The following PRF1 variants were observed in gnomAD, a reference collection of about 807,000 sequenced individuals.
The protein encoded by PRF1 is perforin 1.
In PRF1, 11 loss-of-function variants were observed where a neutral mutation model predicts 11.7. That is an observed-to-expected ratio of 0.94 (90% CI 0.59 to 1.56). The LOEUF is 1.56. Among genes scored for constraint, PRF1 ranks in the 40% most tolerant of loss-of-function variants. The pLI is 0.00. For missense variants in PRF1, 729 were observed against 751.0 expected (o/e 0.97, Z 0.34); for synonymous variants, 314 against 327.8 (o/e 0.96, Z 0.45).
At chr10:70,599,889 G>A (rs930614735) in intron 2 of PRF1, among the ~76,000 whole-genome samples, 8 of 152,354 alleles carry the variant, frequency 5.3e-5, no homozygotes, top group South Asian at 2.1e-4. Context: ...GACTGCTGTC[G>A]CTCAGCAGTG....
chr10:70,600,682 G>T lies in PRF1; in HGVS notation c.221C>A (p.Thr74Asn), dbSNP rs537165894. 3.1e-6 allele frequency: 5 copies of T among 1,613,926 alleles called. No individual in the cohort carries two copies. The East Asian group carries it at 6.7e-5, about 22-fold the overall frequency. Residue 74 changes from threonine (T) to asparagine (N), a missense_variant, in exon 2 of 3, where the codon ACC becomes AAC. Thr to Asn is a moderately conservative substitution (Grantham distance 65). Transcript: ENST00000441259. This position sits in a 1 kb window ranked among gnomAD's most constrained non-coding sequence, Gnocchi z 4.9. ...CTCCTGTAGGGCATTTTCACAGAGG[G>T]TGCAGGTGCCGTCGGGCCGCAGGAA... is the stretch of plus-strand genomic sequence containing the variant. ...QRFLRPDGTC[T>N]LCENALQEGT...
rs1278494999 is a variant in PRF1 at position 70,598,275 on chromosome 10, G to A, written c.1446C>T (p.Val482=). 6.2e-7 allele frequency: 1 copy of A among 1,614,232 alleles called. No homozygotes were observed. The highest frequency in any genetic ancestry group is 1.7e-5 in the Admixed American group (1 of 60,034). The change falls in exon 3 of 3, where the codon GTC becomes GTT. Residue 482 remains valine (V), a synonymous_variant. Coordinates refer to ENST00000441259, the MANE Select transcript of PRF1 (RefSeq NM_001083116.3). ...LATGGPLRLQ[V]WDQDSGRDDD... is the part of the protein sequence containing the mutation. ...CGTCCCTGCCAGAGTCCTGATCCCA[G>A]ACCTGCAACCTCAGGGGCCCCCCTG... is the stretch of plus-strand genomic sequence containing the variant.
chr10:70,602,312 C>T (rs1311663826), intron 1 of PRF1, among the ~76,000 whole-genome samples: 1 of 152,180 alleles, frequency 6.6e-6, no homozygotes, highest in Non-Finnish European at 1.5e-5. Context: ...GGGCTCATCC[C>T]AGCTAGGAGG....
At position 70,598,477 on chromosome 10, in the gene PRF1, G is replaced by C. The variant is rs759074628; in HGVS notation, c.1244C>G (p.Ala415Gly). The change falls in exon 3 of 3, where the codon GCC becomes GGC. Residue 415 changes from alanine (A) to glycine (G), a missense_variant. Physicochemically the swap from Ala to Gly is moderately conservative, Grantham distance 60. Coordinates refer to ENST00000441259, the MANE Select transcript of PRF1 (RefSeq NM_001083116.3). ...QDCCPRQRGL[A>G]QLEVTFIQAW... ...TTGGATGAAGGTCACCTCCAGCTGG[G>C]CCAGGCCCCTCTGCCGAGGGCAGCA... is the stretch of plus-strand genomic sequence containing the variant. 3.1e-6 allele frequency: 5 copies of C among 1,613,476 alleles called. No homozygotes were observed. In the East Asian group the frequency reaches 8.9e-5, roughly 29 times the overall value.
At position 70,597,371 on chromosome 10, in the gene PRF1, G is replaced by T. The variant is rs1848138565; in HGVS notation, c.*682C>A. 1 of 278,362 alleles carries T rather than the reference G, an allele frequency of 3.6e-6. No homozygotes were observed. The highest frequency in any genetic ancestry group is 6.7e-6 in the Non-Finnish European group (1 of 149,310). The allele number at this position is 278,362 out of a possible 1,614,324, so 17.2% of individuals were successfully genotyped here. A position where few individuals can be genotyped will look rare whatever the true frequency, so the allele number is the denominator to read the frequency against. On this transcript the variant is annotated 3_prime_UTR_variant, in exon 3 of 3. Transcript: ENST00000441259. ...GATCACCATAACATCATATTTATTG[G>T]CCCTTTATCAAGCTATGTACATGGT...
rs762044141 is a variant in PRF1 at position 70,598,761 on chromosome 10, G to A, written c.960C>T (p.Ala320=). 23 of 1,614,108 alleles carry A rather than the reference G, an allele frequency of 1.4e-5. No homozygotes were observed. The highest frequency in any genetic ancestry group is 1.7e-5 in the Non-Finnish European group (20 of 1,180,056). ...SINDLLFGIQ[A]GPEQYSAWVN... is the part of the protein sequence containing the mutation. ...CCCAGGCTGAGTACTGCTCGGGCCC[G>A]GCCTGGATCCCGAACAGCAGGTCGT... Residue 320 remains alanine, a synonymous_variant, in exon 3 of 3, where the codon GCC becomes GCT. Coordinates refer to ENST00000441259, the MANE Select transcript of PRF1 (RefSeq NM_001083116.3).
chr10:70,601,957 G>A (rs1848238200), intron 1 of PRF1, among the ~76,000 whole-genome samples: 1 of 151,972 alleles, frequency 6.6e-6, no homozygotes, highest in Admixed American at 6.6e-5. Flanking sequence ...GCCAAGCTCT[G>A]TGGCCTTCGG....
rs1355026334 is a variant in PRF1 at position 70,597,965 on chromosome 10, G to A, written c.*88C>T. 1 of 1,549,500 alleles carries A rather than the reference G, an allele frequency of 6.5e-7. No individual in the cohort carries two copies. Among genetic ancestry groups the A allele is most frequent in the East Asian group, 2.3e-5 (1 of 43,862 alleles). On this transcript the variant is annotated 3_prime_UTR_variant, in exon 3 of 3. Coordinates refer to ENST00000441259, the MANE Select transcript of PRF1 (RefSeq NM_001083116.3). ...GCGGGCCTCGGGTTGGACAAGCTTG[G>A]TCTAATGGGAATACGAAGACAGCCC...
Position 70,600,708 on chromosome 10 carries a change from C to A in PRF1, c.195G>T (p.Arg65Ser). 2 of 1,613,898 alleles carry A rather than the reference C, an allele frequency of 1.2e-6. No individual in the cohort carries two copies. Among genetic ancestry groups the A allele is most frequent in the South Asian group, 1.1e-5 (1 of 91,072 alleles). ...TGCAGGTGCCGTCGGGCCGCAGGAA[C>A]CTTTGTGTGTCCACTGGGAAGGAGC... ...RSGSFPVDTQ[R>S]FLRPDGTCTL... The change falls in exon 2 of 3, where the codon AGG (arginine) becomes AGT (serine). Residue 65 changes from arginine to serine, a missense_variant. Transcript: ENST00000441259. The surrounding 1 kb of genome is among the most constrained non-coding windows in gnomAD (Gnocchi z 4.9).
chr10:70,597,397 G>T lies in PRF1; in HGVS notation c.*656C>A, dbSNP rs1848139064. The T allele has an allele frequency of 3.1e-6, 1 of 317,814 alleles. No individual in the cohort carries two copies. Among genetic ancestry groups the T allele is most frequent in the Non-Finnish European group, 5.7e-6 (1 of 174,600 alleles). 19.7% of individuals were successfully genotyped at this position (317,814 alleles called of 1,614,324 possible). A position where few individuals can be genotyped will look rare whatever the true frequency, so the allele number is the denominator to read the frequency against. On this transcript the variant is annotated 3_prime_UTR_variant, in exon 3 of 3. Coordinates refer to ENST00000441259, the MANE Select transcript of PRF1 (RefSeq NM_001083116.3). ...CCCTTTATCAAGCTATGTACATGGTGAGACAGGTCAGGACAGGCCTCCATT... is the reference window on the plus strand; with the variant it reads ...CCCTTTATCAAGCTATGTACATGGTTAGACAGGTCAGGACAGGCCTCCATT...
Position 70,598,507 on chromosome 10 carries a change from T to A in PRF1, c.1214A>T (p.Gln405Leu). The change falls in exon 3 of 3, where the codon CAG (glutamine) becomes CTG (leucine). Residue 405 changes from glutamine to leucine, a missense_variant. Physicochemically the swap from Gln to Leu is moderately radical, Grantham distance 113. Transcript: ENST00000441259. Reference protein sequence around the residue: ...CVCHGSAVTTQDCCPRQRGLA... With the variant: ...CVCHGSAVTTLDCCPRQRGLA... Reference sequence around the variant, plus strand: ...GCCCCTCTGCCGAGGGCAGCAGTCCTGGGTGGTGACCGCTGAGCCATGGCA... The same window carrying A: ...GCCCCTCTGCCGAGGGCAGCAGTCCAGGGTGGTGACCGCTGAGCCATGGCA... The A allele has an allele frequency of 6.2e-7, 1 of 1,613,410 alleles. No homozygotes were observed. Among genetic ancestry groups the A allele is most frequent in the Admixed American group, 1.7e-5 (1 of 60,022 alleles).
At chr10:70,599,491 T>C (rs965445850) in intron 2 of PRF1, among the ~76,000 whole-genome samples, 13 of 152,356 alleles carry the variant, frequency 8.5e-5, no homozygotes, top group Admixed American at 4.6e-4. Flanking sequence ...GGTTCATGCC[T>C]GTAACCCCAG....
Position 70,597,843 on chromosome 10 carries a change from TA to T in PRF1, c.*209del, listed in dbSNP as rs34914326. ...CTAGCACTAACGATAGCCGATGAGC[TA>T]AAAAAAAAAAAAAAATAGCAAAAAG... is the stretch of plus-strand genomic sequence containing the variant. On this transcript the variant is annotated 3_prime_UTR_variant, in exon 3 of 3. Coordinates refer to ENST00000441259, the MANE Select transcript of PRF1 (RefSeq NM_001083116.3). 215,278 of 574,758 alleles carry T rather than the reference TA, an allele frequency of 0.37. 3,715 individuals are homozygous for T. The highest frequency in any genetic ancestry group is 0.39 in the Middle Eastern group (852 of 2,166). 35.6% of individuals were successfully genotyped at this position (574,758 alleles called of 1,614,324 possible). A position where few individuals can be genotyped will look rare whatever the true frequency, so the allele number is the denominator to read the frequency against.
At position 70,598,906 on chromosome 10, in the gene PRF1, A is replaced by T; in HGVS notation, c.815T>A (p.Ile272Asn). The T allele has an allele frequency of 6.2e-7, 1 of 1,614,216 alleles. No homozygotes were observed. The highest frequency in any genetic ancestry group is 8.5e-7 in the Non-Finnish European group (1 of 1,180,034). Residue 272 changes from isoleucine (I) to asparagine (N), a missense_variant, in exon 3 of 3, where the codon ATC becomes AAC. Coordinates refer to ENST00000441259, the MANE Select transcript of PRF1 (RefSeq NM_001083116.3). The stretch of plus-strand genomic sequence containing the variant: ...CTCACAGGCCTTGGCTTCGGCAGAG[A>T]TGCTGCCGTGGATGCCTATGTTGAC... ...AQVNIGIHGS[I>N]SAEAKACEEK...
Position 70,600,098 on chromosome 10 carries a change from T to C in PRF1, c.539+266A>G, listed in dbSNP as rs141894463. On this transcript the variant is annotated intron_variant, in intron 2 of 2. Transcript: ENST00000441259. This position sits in a 1 kb window ranked among gnomAD's most constrained non-coding sequence, Gnocchi z 4.9. ...GGGTTCAGTACTCACTAGACCTAAA[T>C]GGCACCCTGCTGGGACTCTCAGGCA... Among the ~76,000 whole-genome samples, 1 of 152,190 alleles carries C rather than the reference T, an allele frequency of 6.6e-6. No homozygotes were observed. The highest frequency in any genetic ancestry group is 1.9e-4 in the East Asian group (1 of 5,190).
At position 70,598,896 on chromosome 10, in the gene PRF1, T is replaced by C. The variant is rs1291153727; in HGVS notation, c.825A>G (p.Glu275=). The part of the protein sequence containing the change: ...NIGIHGSISA[E]AKACEEKKKK... ...TCTTCTTCTCCTCACAGGCCTTGGC[T>C]TCGGCAGAGATGCTGCCGTGGATGC... Residue 275 remains glutamate (E), a synonymous_variant, in exon 3 of 3, where the codon GAA becomes GAG. Transcript: ENST00000441259. The C allele has an allele frequency of 6.2e-7, 1 of 1,614,264 alleles. No individual in the cohort carries two copies. Among genetic ancestry groups the C allele is most frequent in the Admixed American group, 1.7e-5 (1 of 60,034 alleles).
intron 1 of PRF1, among the ~76,000 whole-genome samples, chr10:70,601,650 G>A (rs1848231398): frequency 6.6e-6 from 1 of 151,764 alleles, no homozygotes; most frequent in African/African-American, 2.4e-5. Flanking sequence ...CCAACGTGGT[G>A]AAACCCCCTC....
intron 1 of PRF1, among the ~76,000 whole-genome samples, chr10:70,602,375 A>G (rs1021518292): frequency 5.9e-5 from 9 of 152,100 alleles, no homozygotes; most frequent in African/African-American, 2.2e-4. Context: ...CCTGACTCTC[A>G]TGGTATTCTG....
rs202216158 is a variant in PRF1, at chr10:70,598,460, A to G, written c.1261T>C (p.Phe421Leu). 12 of 1,613,660 alleles carry G rather than the reference A, an allele frequency of 7.4e-6. No homozygotes were observed. The highest frequency in any genetic ancestry group is 1.0e-5 in the Non-Finnish European group (12 of 1,180,002). Residue 421 changes from phenylalanine to leucine, a missense_variant, in exon 3 of 3, where the codon TTC (phenylalanine) becomes CTC (leucine). Coordinates refer to ENST00000441259, the MANE Select transcript of PRF1 (RefSeq NM_001083116.3). The stretch of plus-strand genomic sequence containing the variant: ...CCCCACAGGCCCCATGCTTGGATGA[A>G]GGTCACCTCCAGCTGGGCCAGGCCC... ...QRGLAQLEVT[F>L]IQAWGLWGDW...
Sources: gnomAD v4.1 joint callset for allele counts (sites outside exome capture counted in the v4.1 genomes callset) on GRCh38, gnomAD v4.1.1 for gene constraint, Gnocchi (gnomAD v3.1) non-coding constraint, MANE v1.5 for transcripts, NCBI Gene and HGNC (gene_info 2026-07-23, HGNC 2026-07-21) for gene names.